The following DOCK5 variants were observed in gnomAD, a reference collection of about 807,000 sequenced individuals.
The protein encoded by DOCK5 is dedicator of cytokinesis 5.
DOCK5 carries 142 observed loss-of-function variants against 251.8 expected under a neutral mutation model. That is an observed-to-expected ratio of 0.56 (90% CI 0.49 to 0.65). DOCK5 has a LOEUF of 0.65. Ranked by LOEUF, DOCK5 falls within the 30% of genes least tolerant of loss-of-function variation. The pLI is 0.00. For missense variants in DOCK5, 2,111 were observed against 2,312.3 expected (o/e 0.91, Z 1.79); for synonymous variants, 842 against 835.5 (o/e 1.01, Z -0.13).
At chr8:25,261,926 C>T (rs958512399) in intron 2 of DOCK5, among the ~76,000 whole-genome samples, 23 of 152,140 alleles carry the variant, frequency 1.5e-4, no homozygotes, top group African/African-American at 5.6e-4. Context: ...TGTTGCACAT[C>T]CGTAGTTCAT....
At chr8:25,239,319 A>ATGTGTGTGTGTG (rs746237389) in intron 1 of DOCK5, among the ~76,000 whole-genome samples, 2 of 130,980 alleles carry the variant, frequency 1.5e-5, no homozygotes, top group African/African-American at 6.2e-5. Context: ...GTGCGTGTAT[A>ATGTGTGTGTGTG]TGTGTGTGTG....
chr8:25,401,475 G>A (rs1801436884), intron 47 of DOCK5, among the ~76,000 whole-genome samples: 1 of 152,198 alleles, frequency 6.6e-6, no homozygotes, highest in African/African-American at 2.4e-5. Context: ...GCTCACAGCT[G>A]TAATCCCAGC....
intron 1 of DOCK5, among the ~76,000 whole-genome samples, chr8:25,196,732 C>A (rs1226069382): frequency 6.6e-6 from 1 of 152,142 alleles, no homozygotes; most frequent in Non-Finnish European, 1.5e-5. Flanking sequence ...GTTTTTCTAA[C>A]TTCTAGCTTA....
chr8:25,300,276 G>A (rs964386991), intron 8 of DOCK5, among the ~76,000 whole-genome samples: 1 of 152,214 alleles, frequency 6.6e-6, no homozygotes, highest in Non-Finnish European at 1.5e-5. Flanking sequence ...GGACAACCCA[G>A]ACCGTAGCAT....
At chr8:25,395,942 A>G (rs1801338527) in intron 45 of DOCK5, 1 of 646,258 alleles carries the variant, frequency 1.5e-6, no homozygotes, top group Admixed American at 2.5e-5. Flanking sequence ...GTCACAGAAA[A>G]AAAACCAACA....
At chr8:25,257,029 T>G (rs1018967088) in intron 2 of DOCK5, among the ~76,000 whole-genome samples, 1 of 152,176 alleles carries the variant, frequency 6.6e-6, no homozygotes, top group Non-Finnish European at 1.5e-5. Flanking sequence ...GTATTCTAGC[T>G]GTTTTGTGTG....
intron 27 of DOCK5, among the ~76,000 whole-genome samples, chr8:25,356,152 A>G (rs377551795): frequency 6.6e-6 from 1 of 152,164 alleles, no homozygotes; most frequent in South Asian, 2.1e-4. Context: ...GTGAGCTGAG[A>G]TCGCGCCACT....
chr8:25,187,562 T>C (rs1216361643), intron 1 of DOCK5, among the ~76,000 whole-genome samples: 1 of 150,046 alleles, frequency 6.7e-6, no homozygotes, highest in Non-Finnish European at 1.5e-5. Flanking sequence ...CCATTGCTTA[T>C]TGCTAAAACT....
At chr8:25,186,162 G>GT (rs1295078510) in intron 1 of DOCK5, among the ~76,000 whole-genome samples, 2 of 151,844 alleles carry the variant, frequency 1.3e-5, no homozygotes, top group African/African-American at 2.4e-5. Context: ...TGTTTGTTTT[G>GT]TTTTTTAACA....
At chr8:25,384,680 G>A (rs1024870548) in intron 40 of DOCK5, among the ~76,000 whole-genome samples, 3 of 151,696 alleles carry the variant, frequency 2.0e-5, no homozygotes, top group East Asian at 1.9e-4. Context: ...GGCTGATCTC[G>A]AACTCCTGAC....
intron 3 of DOCK5, among the ~76,000 whole-genome samples, chr8:25,274,029 C>T (rs924431442): frequency 6.6e-6 from 1 of 152,154 alleles, no homozygotes; most frequent in Non-Finnish European, 1.5e-5. Flanking sequence ...CATGCAGGAT[C>T]CACTCTGTCA....
chr8:25,242,775 G>A (rs547392334), intron 1 of DOCK5, among the ~76,000 whole-genome samples: 1 of 152,324 alleles, frequency 6.6e-6, no homozygotes. Context: ...GGAAGTGCTG[G>A]GGTAACCCAG....
rs56131241 is a variant in DOCK5, at chr8:25,412,078, C to CTTTTTTTTTTTTTTTTT, written c.*787_*803dup. 1 of 82,844 alleles carries CTTTTTTTTTTTTTTTTT rather than the reference C, an allele frequency of 1.2e-5. No homozygotes were observed. Among genetic ancestry groups the CTTTTTTTTTTTTTTTTT allele is most frequent in the Non-Finnish European group, 2.1e-5 (1 of 47,912 alleles). The allele number at this position is 82,844 out of a possible 1,614,324, so 5.1% of individuals were successfully genotyped here. On this transcript the variant is annotated 3_prime_UTR_variant, in exon 52 of 52. Coordinates refer to ENST00000276440, the MANE Select transcript of DOCK5 (RefSeq NM_024940.8). ...GAAGCTCTTCCTTTTGCACATACGG[C>CTTTTTTTTTTTTTTTTT]TTTTTTTTTTTTTTTTTTTTTTTGT...
intron 27 of DOCK5, among the ~76,000 whole-genome samples, chr8:25,355,401 G>T (rs193014354): frequency 3.3e-5 from 5 of 152,130 alleles, no homozygotes; most frequent in East Asian, 3.9e-4. Context: ...ACCCAAGAGG[G>T]TTTACTCAAA....
intron 16 of DOCK5, among the ~76,000 whole-genome samples, chr8:25,321,433 T>C (rs1025890453): frequency 6.6e-6 from 1 of 151,614 alleles, no homozygotes; most frequent in African/African-American, 2.4e-5. Context: ...TACATTGTAA[T>C]ATATAATGAA....
At chr8:25,228,104 T>G (rs553535542) in intron 1 of DOCK5, among the ~76,000 whole-genome samples, 89 of 152,260 alleles carry the variant, frequency 5.8e-4, no homozygotes, top group African/African-American at 2.1e-3. Context: ...CTCAAACTCC[T>G]GGGCTCAAGC....
intron 25 of DOCK5, among the ~76,000 whole-genome samples, chr8:25,343,496 T>C (rs1187419650): frequency 1.3e-5 from 2 of 152,188 alleles, no homozygotes. Flanking sequence ...AATCTTTAAT[T>C]AGAACAATCT....
intron 1 of DOCK5, among the ~76,000 whole-genome samples, chr8:25,192,295 A>G (rs1306132266): frequency 6.6e-6 from 1 of 152,064 alleles, no homozygotes; most frequent in East Asian, 1.9e-4. Context: ...CAGTAATGGG[A>G]TGGCTGGGTC....
chr8:25,250,553 C>G (rs1445733722), intron 2 of DOCK5, among the ~76,000 whole-genome samples: 1 of 152,158 alleles, frequency 6.6e-6, no homozygotes, highest in Non-Finnish European at 1.5e-5. Context: ...TCTGGAGATG[C>G]CCGGCCGTGA....
Sources: gnomAD v4.1 joint callset for allele counts (sites outside exome capture counted in the v4.1 genomes callset) on GRCh38, gnomAD v4.1.1 for gene constraint, MANE v1.5 for transcripts, NCBI Gene and HGNC (gene_info 2026-07-23, HGNC 2026-07-21) for gene names.